Variants in CELF4 observed in about 807,000 individuals in gnomAD.
CELF4 encodes CUGBP Elav-like family member 4.
A neutral mutation model predicts 59.9 loss-of-function variants in CELF4; 18 were observed. That is an observed-to-expected ratio of 0.30 (90% confidence interval 0.21 to 0.45). The LOEUF is 0.45. Among genes scored for constraint, CELF4 ranks in the 20% least tolerant of loss-of-function variants. CELF4 has a pLI of 1.00. For synonymous variants in CELF4, 261 were observed against 267.1 expected (o/e 0.98, Z 0.22); for missense variants, 456 against 689.0 (o/e 0.66, Z 3.79).
At chr18:37,264,841 A>T in intron 9 of CELF4, 84 bp from the exon 10 acceptor site, 3 of 1,202,650 alleles carry the variant, frequency 2.5e-6, no homozygotes, top group Non-Finnish European at 2.4e-6. Context: ...CAGTGCAGGC[A>T]GTAAAAGCAG....
At chr18:37,410,593 TCTCTGCACATAGGC>T (rs1603637459) in intron 2 of CELF4, among the ~76,000 whole-genome samples, 1 of 152,210 alleles carries the variant, frequency 6.6e-6, no homozygotes, top group Non-Finnish European at 1.5e-5. Flanking sequence ...GTGAGAGCTG[TCTCTGCACATAGGC>T]CATCTACGCT....
At chr18:37,504,958 T>A (rs940274528) in intron 1 of CELF4, among the ~76,000 whole-genome samples, 1 of 152,258 alleles carries the variant, frequency 6.6e-6, no homozygotes, top group Admixed American at 6.5e-5. Flanking sequence ...CCACCAGGCC[T>A]GGGCCAGAGC....
At chr18:37,379,816 C>T (rs2099015425) in intron 2 of CELF4, among the ~76,000 whole-genome samples, 1 of 152,172 alleles carries the variant, frequency 6.6e-6, no homozygotes, top group South Asian at 2.1e-4. Flanking sequence ...CCTGCTCTCC[C>T]TCCAGCTCCC....
intron 2 of CELF4, among the ~76,000 whole-genome samples, chr18:37,413,191 T>C (rs1769132121): frequency 6.6e-6 from 1 of 152,202 alleles, no homozygotes; most frequent in South Asian, 2.1e-4. Flanking sequence ...AATAACTTAC[T>C]CAGAATGAAG....
intron 2 of CELF4, among the ~76,000 whole-genome samples, chr18:37,362,508 C>T (rs1293926672): frequency 1.3e-5 from 2 of 152,080 alleles, no homozygotes; most frequent in Non-Finnish European, 2.9e-5. Flanking sequence ...GGCTGGGGCA[C>T]GGGCTGGGTG....
At chr18:37,264,504 G>T (rs2076451935) in intron 10 of CELF4, among the ~76,000 whole-genome samples, 170 bp downstream of exon 10, 1 of 152,248 alleles carries the variant, frequency 6.6e-6, no homozygotes, top group African/African-American at 2.4e-5. Context: ...CTACCCTTAA[G>T]TTGGAGAGCG....
chr18:37,368,669 C>T (rs1189941103), intron 2 of CELF4, among the ~76,000 whole-genome samples: 1 of 152,222 alleles, frequency 6.6e-6, no homozygotes, highest in African/African-American at 2.4e-5. Context: ...TCCTGCCTGA[C>T]CCCAGGGTTT....
At chr18:37,276,110 A>G (rs2093198084) in intron 3 of CELF4, 1 of 152,208 alleles carries the variant, frequency 6.6e-6, no homozygotes, top group African/African-American at 2.4e-5. Flanking sequence ...TTCACGCTGC[A>G]AAATTCGACC....
At chr18:37,501,967 A>G (rs375355543) in intron 1 of CELF4, among the ~76,000 whole-genome samples, 1 of 152,072 alleles carries the variant, frequency 6.6e-6, no homozygotes, top group African/African-American at 2.4e-5. Context: ...GAGGACACAC[A>G]TGGGGCTAAG....
intron 1 of CELF4, among the ~76,000 whole-genome samples, chr18:37,524,871 G>C (rs990528706): frequency 6.6e-6 from 1 of 152,118 alleles, no homozygotes; most frequent in Non-Finnish European, 1.5e-5. Context: ...GGGCGCAGCC[G>C]GGCTGGGCTG....
chr18:37,481,311 C>T (rs1251968458), intron 2 of CELF4, among the ~76,000 whole-genome samples: 1 of 152,182 alleles, frequency 6.6e-6, no homozygotes. Context: ...GCTTCCTTGC[C>T]TCCTACTGGC....
At chr18:37,393,589 C>T (rs867823506) in intron 2 of CELF4, among the ~76,000 whole-genome samples, 6 of 152,206 alleles carry the variant, frequency 3.9e-5, no homozygotes, top group South Asian at 2.1e-4. Context: ...GCCCCACATC[C>T]CCCGAGGGGA....
intron 2 of CELF4, among the ~76,000 whole-genome samples, chr18:37,445,507 G>A (rs1325105384): frequency 6.6e-6 from 1 of 151,944 alleles, no homozygotes; most frequent in Non-Finnish European, 1.5e-5. Flanking sequence ...TCACCTCGTG[G>A]GGTAGTGCTG....
intron 1 of CELF4, among the ~76,000 whole-genome samples, chr18:37,509,869 G>A (rs1474024814): frequency 6.6e-6 from 1 of 152,186 alleles, no homozygotes; most frequent in Non-Finnish European, 1.5e-5. Flanking sequence ...CAGTGTGGAT[G>A]AACCTTGAAA....
At chr18:37,463,240 C>T (rs942770844) in intron 2 of CELF4, among the ~76,000 whole-genome samples, 1 of 152,144 alleles carries the variant, frequency 6.6e-6, no homozygotes, top group African/African-American at 2.4e-5. Context: ...GAGTTCAGAG[C>T]TTTGTGTGAC....
At chr18:37,273,730 G>T (rs2092370704) in intron 6 of CELF4, 2 of 987,666 alleles carry the variant, frequency 2.0e-6, no homozygotes, top group Non-Finnish European at 2.4e-6. Flanking sequence ...CAGAACCGTG[G>T]CCTGCCTCAG....
At chr18:37,326,420 C>G (rs969472377) in intron 2 of CELF4, among the ~76,000 whole-genome samples, 1 of 152,224 alleles carries the variant, frequency 6.6e-6, no homozygotes, top group Non-Finnish European at 1.5e-5. Flanking sequence ...CACCAGTGCG[C>G]TGTCCTCCCC....
At chr18:37,352,939 T>C (rs11873993) in intron 2 of CELF4, among the ~76,000 whole-genome samples, 16,377 of 152,024 alleles carry the variant, frequency 0.11, 2,866 homozygotes, top group African/African-American at 0.37. Context: ...AACCCTTTCT[T>C]GGCCGGGCGC....
At chr18:37,411,614 A>C (rs1232553653) in intron 2 of CELF4, among the ~76,000 whole-genome samples, 1 of 152,236 alleles carries the variant, frequency 6.6e-6, no homozygotes, top group Admixed American at 6.5e-5. Context: ...CATTTAAAAC[A>C]CACAAGATAC....
Sources: allele counts gnomAD v4.1 joint callset (sites outside exome capture counted in the v4.1 genomes callset), GRCh38; gene constraint gnomAD v4.1.1; transcripts MANE v1.5; gene names NCBI Gene and HGNC (gene_info 2026-07-23, HGNC 2026-07-21).